SLC4A8: variants seen among roughly 807,000 people sequenced by gnomAD.
SLC4A8 encodes electroneutral sodium bicarbonate exchanger 1.
A neutral mutation model predicts 125.0 loss-of-function variants in SLC4A8; 40 were observed. The ratio of observed to expected loss-of-function variants is 0.32; its 90% CI spans 0.25 to 0.42. The LOEUF is 0.42. SLC4A8 is among the 10% of genes least tolerant of loss of function. The probability of loss-of-function intolerance (pLI) is 1.00; values close to 1 mark genes in which losing one functional copy is unlikely to be tolerated. For missense variants in SLC4A8, 863 were observed against 1,355.1 expected, an observed-to-expected ratio of 0.64 and a Z score of 5.70; for synonymous variants, 456 against 476.0, an observed-to-expected ratio of 0.96 and a Z score of 0.55.
intron 2 of SLC4A8, among the ~76,000 whole-genome samples, chr12:51,445,028 T>C (rs930086459): frequency 4.6e-5 from 7 of 152,058 alleles, no homozygotes; most frequent in African/African-American, 1.4e-4. Context: ...AGGAAACCCA[T>C]GGTTGGGATG....
intron 17 of SLC4A8, among the ~76,000 whole-genome samples, chr12:51,488,193 C>G (rs996307279): frequency 2.2e-4 from 33 of 152,332 alleles, no homozygotes; most frequent in African/African-American, 7.2e-4. Context: ...GAAGCCAATA[C>G]TATGATACCA....
intron 18 of SLC4A8, among the ~76,000 whole-genome samples, chr12:51,489,461 G>A (rs139322456): frequency 6.6e-6 from 1 of 152,316 alleles, no homozygotes; most frequent in East Asian, 1.9e-4. Context: ...CTCAGAGTCA[G>A]CTGGAGGCAC....
chr12:51,463,520 G>A (rs984684229), intron 10 of SLC4A8, 94 bp from the exon 11 acceptor site: 7 of 840,768 alleles, frequency 8.3e-6, no homozygotes, highest in Non-Finnish European at 1.4e-5. Context: ...GGCATTTTTG[G>A]TTGCTTTTGG....
intron 1 of SLC4A8, among the ~76,000 whole-genome samples, chr12:51,417,838 G>T (rs148114183): frequency 1.2e-4 from 19 of 152,114 alleles, no homozygotes; most frequent in Admixed American, 1.1e-3. Context: ...TTTTAGTAGA[G>T]ACAGGGTTTT....
chr12:51,505,789 T>C (rs1447282548), intron 23 of SLC4A8, 46 bp from the exon 24 acceptor site: 3 of 879,306 alleles, frequency 3.4e-6, no homozygotes, highest in South Asian at 1.5e-5. Flanking sequence ...GTGGTATGTA[T>C]TTTACTTGTA....
At chr12:51,466,943 ATGTGTGTGTG>A (rs5798175) in intron 11 of SLC4A8, among the ~76,000 whole-genome samples, 1 of 149,290 alleles carries the variant, frequency 6.7e-6, no homozygotes. Flanking sequence ...GCCTCAGAGT[ATGTGTGTGTG>A]TGTGTGTGTG....
rs1044809603 is a variant in SLC4A8 at position 51,507,811 on chromosome 12, G to A, written c.*373G>A. On this transcript the variant is annotated 3_prime_UTR_variant, in exon 25 of 25. Coordinates refer to ENST00000453097, the MANE Select transcript of SLC4A8 (RefSeq NM_001039960.3). ...CATATGGATTCATTCTGCCACTGAG[G>A]AGTCCTTCAGTGAGGTCCCTCTTCC... The A allele has an allele frequency of 1.8e-5, 3 of 168,850 alleles. No homozygotes were observed. The highest frequency in any genetic ancestry group is 4.7e-5 in the African/African-American group (2 of 42,220). The allele number at this position is 168,850 out of a possible 1,614,324, so 10.5% of individuals were successfully genotyped here. A position where few individuals can be genotyped will look rare whatever the true frequency, so the allele number is the denominator to read the frequency against.
rs1351899606 is a variant in SLC4A8 at position 51,425,136 on chromosome 12, G to A, written c.48+101G>A. The A allele has an allele frequency of 3.4e-6, 5 of 1,469,984 alleles. No homozygotes were observed. In the East Asian group the frequency reaches 1.3e-4, roughly 38 times the overall value. The allele number at this position is 1,469,984 out of a possible 1,614,324, so 91.1% of individuals were successfully genotyped here. A position where few individuals can be genotyped will look rare whatever the true frequency, so the allele number is the denominator to read the frequency against. ...TCTGCCCCCGAGCCCAGGCTTCCCA[G>A]GCCGCTCCCTGAGGGCGAGGGGAGG... On this transcript the variant is annotated intron_variant, in intron 1 of 24. Coordinates refer to ENST00000453097, the MANE Select transcript of SLC4A8 (RefSeq NM_001039960.3).
upstream of SLC4A8, chr12:51,424,755 C>G (rs1592159223): frequency 4.1e-6 from 2 of 489,048 alleles, no homozygotes; most frequent in African/African-American, 2.0e-5. Context: ...AGGGTACCGC[C>G]GGACAGCGTC....
intron 1 of SLC4A8, among the ~76,000 whole-genome samples, chr12:51,435,911 T>C (rs1001190707): frequency 7.2e-5 from 11 of 152,202 alleles, no homozygotes; most frequent in African/African-American, 2.4e-4. Context: ...ATTCCTTTTA[T>C]TACAAAATGG....
At chr12:51,469,127 G>C (rs911162510) in intron 11 of SLC4A8, 7 of 154,108 alleles carry the variant, frequency 4.5e-5, no homozygotes, top group African/African-American at 1.7e-4. Flanking sequence ...CCAAGTATCT[G>C]CTGCTACTTG....
At position 51,450,948 on chromosome 12, in the gene SLC4A8, G is replaced by A. The variant is rs1949945956; in HGVS notation, c.203G>A (p.Gly68Asp). The A allele has an allele frequency of 6.2e-7, 1 of 1,605,458 alleles. No individual in the cohort carries two copies. Among genetic ancestry groups the A allele is most frequent in the Admixed American group, 1.7e-5 (1 of 59,190 alleles). Residue 68 changes from glycine to aspartate, a missense_variant, in exon 3 of 25, where the codon GGC (glycine) becomes GAC (aspartate). Gly to Asp is a moderately conservative substitution (Grantham distance 94, BLOSUM62 -1). This residue lies in a region of SLC4A8 where 104 missense variants were observed against 116.4 expected (regional missense o/e 0.89). Coordinates refer to ENST00000453097, the MANE Select transcript of SLC4A8 (RefSeq NM_001039960.3). ...AGCCATCGGCATCACCGCACTCATG[G>A]CCAGAAGCACCGGAGACGAGGGCGG... The part of the protein sequence containing the change: ...RQSHRHHRTH[G>D]QKHRRRGRGK...
intron 1 of SLC4A8, among the ~76,000 whole-genome samples, chr12:51,400,941 G>A (rs187539454): frequency 1.3e-4 from 19 of 150,592 alleles, no homozygotes; most frequent in African/African-American, 4.4e-4. Context: ...CAGTGGCACC[G>A]TCACGGTGAA....
chr12:51,461,946 C>G (rs1950337901), intron 9 of SLC4A8: 1 of 190,928 alleles, frequency 5.2e-6, no homozygotes. Context: ...TGTTTCCAAC[C>G]TTTAAGATCA....
intron 23 of SLC4A8, among the ~76,000 whole-genome samples, chr12:51,504,717 G>A (rs1938088121): frequency 6.6e-6 from 1 of 152,194 alleles, no homozygotes; most frequent in South Asian, 2.1e-4. Flanking sequence ...CTGGCTTGTG[G>A]CATCTGTAGT....
At chr12:51,463,795 G>T in intron 11 of SLC4A8, 81 bp downstream of exon 11, 5 of 944,472 alleles carry the variant, frequency 5.3e-6, no homozygotes, top group Non-Finnish European at 8.3e-6. Flanking sequence ...CTTTCTTTCA[G>T]CCTACTTCTC....
chr12:51,412,765 C>CT (rs981117694), intron 1 of SLC4A8, among the ~76,000 whole-genome samples: 14 of 152,138 alleles, frequency 9.2e-5, no homozygotes, highest in Non-Finnish European at 1.9e-4. Context: ...GAAATTCATT[C>CT]TTTTTTTATG....
At chr12:51,443,393 A>G (rs747241713) in intron 2 of SLC4A8, among the ~76,000 whole-genome samples, 1 of 152,336 alleles carries the variant, frequency 6.6e-6, no homozygotes, top group East Asian at 1.9e-4. Flanking sequence ...CAGTAAGAGA[A>G]GTTGCATTAA....
chr12:51,465,426 G>A (rs895830069), intron 11 of SLC4A8, among the ~76,000 whole-genome samples: 2 of 152,070 alleles, frequency 1.3e-5, no homozygotes, highest in Non-Finnish European at 2.9e-5. Context: ...TCCACCTGAG[G>A]GTTTGGGAGA....
Sources: allele counts gnomAD v4.1 joint callset (sites outside exome capture counted in the v4.1 genomes callset), GRCh38; gene constraint gnomAD v4.1.1; regional missense constraint gnomAD v4.1.1; transcripts MANE v1.5; gene names NCBI Gene and HGNC (gene_info 2026-07-23, HGNC 2026-07-21).